TMC2: variants seen among roughly 807,000 people sequenced by gnomAD.
TMC2 encodes transmembrane channel like 2.
In TMC2, 102 loss-of-function variants were observed where a neutral mutation model predicts 105.9. The observed-to-expected ratio is 0.96, with a 90% confidence interval of 0.82 to 1.14. The LOEUF (loss-of-function observed/expected upper bound fraction) is 1.14. TMC2 is among the 50% of genes most tolerant of loss of function. The probability of loss-of-function intolerance (pLI) is 0.00; values close to 1 mark genes in which losing one functional copy is unlikely to be tolerated. For missense variants in TMC2, 1,093 were observed against 1,134.3 expected, an observed-to-expected ratio of 0.96 and a Z score of 0.52; for synonymous variants, 402 against 422.8, an observed-to-expected ratio of 0.95 and a Z score of 0.60.
At chr20:2,630,319 G>GTCCAT (rs2086594703) in intron 17 of TMC2, among the ~76,000 whole-genome samples, 1 of 152,114 alleles carries the variant, frequency 6.6e-6, no homozygotes, top group Non-Finnish European at 1.5e-5. Flanking sequence ...TTATTGGATT[G>GTCCAT]TCCATTATCT....
intron 5 of TMC2, among the ~76,000 whole-genome samples, chr20:2,573,962 A>T (rs76062344): frequency 0.053 from 8,064 of 152,270 alleles, 305 homozygotes; most frequent in Non-Finnish European, 0.08. Flanking sequence ...TAAAATGTGA[A>T]CTAGCCATCC....
At chr20:2,598,117 C>T (rs2086322095) in intron 10 of TMC2, among the ~76,000 whole-genome samples, 1 of 151,516 alleles carries the variant, frequency 6.6e-6, no homozygotes, top group Admixed American at 6.6e-5. Flanking sequence ...CTGATGGCTG[C>T]GCCAAAATCT....
chr20:2,583,070 C>T (rs1031854868), intron 7 of TMC2, among the ~76,000 whole-genome samples: 1 of 152,158 alleles, frequency 6.6e-6, no homozygotes, highest in African/African-American at 2.4e-5. Context: ...ATCTTAGGCT[C>T]ACCCCCAGTC....
chr20:2,611,870 G>GGATGGATGGA (rs1568524051), intron 12 of TMC2, among the ~76,000 whole-genome samples: 61 of 95,008 alleles, frequency 6.4e-4, no homozygotes, highest in African/African-American at 2.8e-3. Context: ...GGATGGATGG[G>GGATGGATGGA]TGGGTGGGTG....
chr20:2,553,574 C>T (rs552737408), intron 2 of TMC2, among the ~76,000 whole-genome samples: 22 of 151,990 alleles, frequency 1.4e-4, no homozygotes, highest in African/African-American at 4.6e-4. Context: ...GGAATGCTGG[C>T]GTCATGAAAT....
chr20:2,599,331 A>G (rs973589805), intron 10 of TMC2, among the ~76,000 whole-genome samples: 4 of 149,154 alleles, frequency 2.7e-5, no homozygotes, highest in African/African-American at 9.8e-5. Context: ...AATCAACCCT[A>G]TGTTTCTTTC....
intron 2 of TMC2, among the ~76,000 whole-genome samples, chr20:2,549,967 G>A (rs2085947100): frequency 6.6e-6 from 1 of 152,084 alleles, no homozygotes; most frequent in Non-Finnish European, 1.5e-5. Context: ...CAGGTCACCT[G>A]AGGTCAGCAG....
At chr20:2,549,204 T>G (rs2085942260) in intron 2 of TMC2, among the ~76,000 whole-genome samples, 2 of 152,172 alleles carry the variant, frequency 1.3e-5, no homozygotes, top group Non-Finnish European at 2.9e-5. Flanking sequence ...TATCGGCACT[T>G]ACCACTATCC....
intron 7 of TMC2, among the ~76,000 whole-genome samples, chr20:2,590,919 T>C (rs554796420): frequency 6.6e-6 from 1 of 152,258 alleles, no homozygotes; most frequent in East Asian, 1.9e-4. Context: ...ATAAAATAAC[T>C]AGTAATACAT....
At chr20:2,541,444 C>T (rs904724399) in intron 2 of TMC2, among the ~76,000 whole-genome samples, 1 of 151,932 alleles carries the variant, frequency 6.6e-6, no homozygotes, top group African/African-American at 2.4e-5. Context: ...AGTTTGAGAC[C>T]AGCCTGGCCA....
At chr20:2,561,066 A>T (rs2086022839) in intron 3 of TMC2, among the ~76,000 whole-genome samples, 1 of 152,198 alleles carries the variant, frequency 6.6e-6, no homozygotes, top group Non-Finnish European at 1.5e-5. Context: ...TCCTCATTTA[A>T]TTGTAACTCA....
At position 2,560,836 on chromosome 20, in the gene TMC2, C is replaced by CA. The variant is rs67659988; in HGVS notation, c.402-1005dup. ...TGGGCCACAGAGCAAGACTCCATCT[C>CA]AAAAAAAAAAAAAAAAATGGAGTCA... is the stretch of plus-strand genomic sequence containing the variant. On this transcript the variant is annotated intron_variant, in intron 3 of 19. Transcript: ENST00000358864. Among the ~76,000 whole-genome samples, 1,059 of 126,090 alleles carry CA rather than the reference C, an allele frequency of 8.4e-3. 9 individuals are homozygous for CA. The highest frequency in any genetic ancestry group is 0.026 in the African/African-American group (894 of 33,982). 82.7% of individuals were successfully genotyped at this position (126,090 alleles called of 152,430 possible).
intron 10 of TMC2, 82 bp from the exon 11 acceptor site, chr20:2,602,031 G>C: frequency 1.1e-6 from 1 of 891,244 alleles, no homozygotes; most frequent in Non-Finnish European, 1.7e-6. Context: ...AATATAGAAA[G>C]TACTATTTTC....
At chr20:2,636,029 T>C (rs1408493373) in intron 18 of TMC2, 25 bp downstream of exon 18, 1 of 1,605,404 alleles carries the variant, frequency 6.2e-7, no homozygotes, top group Admixed American at 1.7e-5. Context: ...AGTTTCATCC[T>C]GGACGGTAAA....
Position 2,558,814 on chromosome 20 carries a change from CT to C in TMC2, c.401+41del. The stretch of plus-strand genomic sequence containing the variant: ...CGATTCTGGGCATTCGCTCCGCGCG[CT>C]CCCGCTCCTTCGCGGCCCTTCCCCT... On this transcript the variant is annotated intron_variant, in intron 3 of 19. Coordinates refer to ENST00000358864, the MANE Select transcript of TMC2 (RefSeq NM_080751.3). The surrounding 1 kb of genome is among the most constrained non-coding windows in gnomAD (Gnocchi z 4.6). 1 of 1,489,916 alleles carries C rather than the reference CT, an allele frequency of 6.7e-7. No homozygotes were observed. Among genetic ancestry groups the C allele is most frequent in the Non-Finnish European group, 8.9e-7 (1 of 1,119,634 alleles). The allele number at this position is 1,489,916 out of a possible 1,614,324, so 92.3% of individuals were successfully genotyped here.
intron 2 of TMC2, among the ~76,000 whole-genome samples, chr20:2,537,730 G>A (rs146070727): frequency 2.4e-3 from 361 of 152,248 alleles, no homozygotes; most frequent in Middle Eastern, 0.02. Flanking sequence ...CCTTCCCACT[G>A]GGAATGTGAC....
At chr20:2,546,304 T>A (rs1447383774) in intron 2 of TMC2, among the ~76,000 whole-genome samples, 1 of 152,166 alleles carries the variant, frequency 6.6e-6, no homozygotes, top group Non-Finnish European at 1.5e-5. Flanking sequence ...GTTCATGGGT[T>A]AATTGTAGCT....
chr20:2,572,657 TG>T (rs2086112428), intron 5 of TMC2, among the ~76,000 whole-genome samples: 1 of 152,142 alleles, frequency 6.6e-6, no homozygotes. Context: ...CCCAGACGGA[TG>T]GGGGCAGCTC....
chr20:2,599,906 C>T (rs2146219904), intron 10 of TMC2, among the ~76,000 whole-genome samples: 1 of 152,320 alleles, frequency 6.6e-6, no homozygotes, highest in African/African-American at 2.4e-5. Flanking sequence ...CTGACTGATG[C>T]CTGCAGATGG....
Sources: gnomAD v4.1 joint callset for allele counts (sites outside exome capture counted in the v4.1 genomes callset) on GRCh38, gnomAD v4.1.1 for gene constraint, Gnocchi (gnomAD v3.1) non-coding constraint, MANE v1.5 for transcripts, NCBI Gene and HGNC (gene_info 2026-07-23, HGNC 2026-07-21) for gene names.